PRKCZ: variants seen among roughly 807,000 people sequenced by gnomAD.
The protein encoded by PRKCZ is protein kinase C zeta, also known as protein kinase C zeta type.
PRKCZ carries 33 observed loss-of-function variants against 79.5 expected under a neutral mutation model. That is an observed-to-expected ratio of 0.41 (90% CI 0.31 to 0.55). The LOEUF is 0.55. PRKCZ is among the 20% of genes least tolerant of loss of function. PRKCZ has a pLI of 0.19. For synonymous variants in PRKCZ, 342 were observed against 320.9 expected (o/e 1.07, Z -0.70); for missense variants, 578 against 813.5 (o/e 0.71, Z 3.52).
intron 3 of PRKCZ, among the ~76,000 whole-genome samples, chr1:2,059,154 T>C (rs1316972488): frequency 6.6e-6 from 1 of 152,222 alleles, no homozygotes; most frequent in African/African-American, 2.4e-5. Flanking sequence ...CCAGGATATA[T>C]GTTAAAATAA....
intron 4 of PRKCZ, chr1:2,116,077 T>C (rs1256369168): frequency 2.0e-5 from 3 of 152,226 alleles, no homozygotes; most frequent in Non-Finnish European, 2.9e-5. Flanking sequence ...CTCCCCGTCA[T>C]CTCATTAGCA....
At position 2,177,431 on chromosome 1, in the gene PRKCZ, G is replaced by T. The variant is rs114807526; in HGVS notation, c.1575+2118G>T. Among the ~76,000 whole-genome samples the T allele has an allele frequency of 6.6e-6, 1 of 152,166 alleles. No homozygotes were observed. Among genetic ancestry groups the T allele is most frequent in the Middle Eastern group, 3.2e-3 (1 of 316 alleles). ...GCACCATGGGATCCAGGGAGAGCCC[G>T]ATCCTGGGTGCAGCCTTGGTGCCAG... On this transcript the variant is annotated intron_variant, in intron 16 of 17. Coordinates refer to ENST00000378567, the MANE Select transcript of PRKCZ (RefSeq NM_002744.6). This position sits in a 1 kb window ranked among gnomAD's most constrained non-coding sequence, Gnocchi z 6.4.
chr1:2,169,268 C>A (rs1485982912), intron 10 of PRKCZ: 1 of 537,864 alleles, frequency 1.9e-6, no homozygotes, highest in Non-Finnish European at 3.6e-6. Flanking sequence ...AGTCCACACA[C>A]AGTGGCCAAG....
intron 4 of PRKCZ, among the ~76,000 whole-genome samples, chr1:2,080,050 G>T (rs1048430574): frequency 3.3e-5 from 5 of 152,360 alleles, no homozygotes; most frequent in African/African-American, 9.6e-5. Context: ...TGGAGCCTCT[G>T]ACTTGGGGCC....
intron 4 of PRKCZ, among the ~76,000 whole-genome samples, chr1:2,089,436 G>T (rs1026513346): frequency 6.6e-6 from 1 of 152,182 alleles, no homozygotes; most frequent in African/African-American, 2.4e-5. Context: ...CACCACGAGG[G>T]GTGGCCTGTA....
At chr1:2,119,690 G>T (rs1432018473) in intron 4 of PRKCZ, among the ~76,000 whole-genome samples, 1 of 152,076 alleles carries the variant, frequency 6.6e-6, no homozygotes, top group Non-Finnish European at 1.5e-5. Context: ...CTGCAGGACG[G>T]CGCTTACATG....
At chr1:2,142,591 C>G in intron 5 of PRKCZ, 1 of 245,802 alleles carries the variant, frequency 4.1e-6, no homozygotes, top group Non-Finnish European at 8.2e-6. Context: ...ACCCATCCCT[C>G]CTTCGAATAG....
chr1:2,094,580 G>A lies in PRKCZ; in HGVS notation c.334+34989G>A, dbSNP rs1377957503. On this transcript the variant is annotated intron_variant, in intron 4 of 17. Coordinates refer to ENST00000378567, the MANE Select transcript of PRKCZ (RefSeq NM_002744.6). This position sits in a 1 kb window ranked among gnomAD's most constrained non-coding sequence, Gnocchi z 7.3. ...GCTCGATGAACCTTGGGCGCTGCCCGTTCTGAGGCGCCCGCTGTGCCCGGC... is the reference window on the plus strand; with the variant it reads ...GCTCGATGAACCTTGGGCGCTGCCCATTCTGAGGCGCCCGCTGTGCCCGGC... 3.9e-5 allele frequency among the ~76,000 whole-genome samples: 4 copies of A among 102,432 alleles called. No homozygotes were observed. Among genetic ancestry groups the A allele is most frequent in the Non-Finnish European group, 7.2e-5 (4 of 55,334 alleles). 67.2% of individuals were successfully genotyped at this position (102,432 alleles called of 152,430 possible). A position where few individuals can be genotyped will look rare whatever the true frequency, so the allele number is the denominator to read the frequency against.
At chr1:2,065,154 A>G (rs998217329) in intron 4 of PRKCZ, among the ~76,000 whole-genome samples, 9 of 152,102 alleles carry the variant, frequency 5.9e-5, no homozygotes, top group African/African-American at 1.9e-4. Flanking sequence ...TGTTTATTGT[A>G]AGTGTATAAA....
intron 7 of PRKCZ, among the ~76,000 whole-genome samples, chr1:2,147,301 G>A (rs571116268): frequency 4.1e-4 from 60 of 147,240 alleles, no homozygotes; most frequent in African/African-American, 1.4e-3. Context: ...TCTATCTGTT[G>A]TCCACTGACC....
At chr1:2,078,490 T>A (rs1662856324) in intron 4 of PRKCZ, among the ~76,000 whole-genome samples, 1 of 152,210 alleles carries the variant, frequency 6.6e-6, no homozygotes, top group African/African-American at 2.4e-5. Context: ...GAATCTTTTG[T>A]CTTCAGGGTT....
At chr1:2,115,426 G>A (rs1374551883) in intron 4 of PRKCZ, among the ~76,000 whole-genome samples, 2 of 152,234 alleles carry the variant, frequency 1.3e-5, no homozygotes, top group South Asian at 2.1e-4. Context: ...GCACCAGGTC[G>A]CACTCTGCAC....
chr1:2,125,265 G>C lies in PRKCZ; in HGVS notation c.335-9997G>C, dbSNP rs146353527. ...TGCAACTGACTGCTTGGAAGTTGGC[G>C]TACATCTTTCCACGGAAACTATGAA... is the stretch of plus-strand genomic sequence containing the variant. On this transcript the variant is annotated intron_variant, in intron 4 of 17. Coordinates refer to ENST00000378567, the MANE Select transcript of PRKCZ (RefSeq NM_002744.6). The surrounding 1 kb of genome is among the most constrained non-coding windows in gnomAD (Gnocchi z 4.2). Among the ~76,000 whole-genome samples, 3 of 152,188 alleles carry C rather than the reference G, an allele frequency of 2.0e-5. No homozygotes were observed. Among genetic ancestry groups the C allele is most frequent in the Non-Finnish European group, 4.4e-5 (3 of 68,028 alleles).
Position 2,150,796 on chromosome 1 carries a change from A to G in PRKCZ, c.694A>G (p.Lys232Glu). 6.2e-7 allele frequency: 1 copy of G among 1,613,736 alleles called. No homozygotes were observed. Among genetic ancestry groups the G allele is most frequent in the Middle Eastern group, 1.7e-4 (1 of 6,044 alleles). Residue 232 changes from lysine (K) to glutamate (E), a missense_variant, in exon 9 of 18, where the codon AAG becomes GAG. Coordinates refer to ENST00000378567, the MANE Select transcript of PRKCZ (RefSeq NM_002744.6). The stretch of plus-strand genomic sequence containing the variant: ...TCTTGTTCTCCCTCCCTAGGACCTT[A>G]AGCCAGTTATCGATGGGATGGATGG... ...DSIKDDSEDL[K>E]PVIDGMDGIK... is the part of the protein sequence containing the mutation.
intron 4 of PRKCZ, among the ~76,000 whole-genome samples, chr1:2,072,822 C>G (rs1661724930): frequency 1.3e-5 from 2 of 152,060 alleles, no homozygotes; most frequent in South Asian, 4.1e-4. Context: ...CTGGTCAGAG[C>G]CAGAGGTCTG....
intron 4 of PRKCZ, among the ~76,000 whole-genome samples, chr1:2,101,007 A>G (rs1406284385): frequency 7.7e-6 from 1 of 129,224 alleles, no homozygotes; most frequent in Admixed American, 7.9e-5. Context: ...TGACTAAGAC[A>G]ATTTATTTTG....
chr1:2,137,054 C>T (rs950979304), intron 5 of PRKCZ, among the ~76,000 whole-genome samples: 6 of 152,158 alleles, frequency 3.9e-5, no homozygotes, highest in East Asian at 1.9e-4. Context: ...TGGCTCACTC[C>T]GAGTCCAAAA....
chr1:2,144,462 C>CT, intron 6 of PRKCZ, 121 bp downstream of exon 6: 1 of 1,478,276 alleles, frequency 6.8e-7, no homozygotes, highest in Non-Finnish European at 9.0e-7. Context: ...TGGTGCCGTC[C>CT]TAGCTCTGGG....
At chr1:2,163,708 G>C (rs2103391293) in intron 10 of PRKCZ, among the ~76,000 whole-genome samples, 1 of 151,112 alleles carries the variant, frequency 6.6e-6, no homozygotes, top group Non-Finnish European at 1.5e-5. Context: ...CGCTAACACA[G>C]TGAAGCCCCG....
Sources: allele counts gnomAD v4.1 joint callset (sites outside exome capture counted in the v4.1 genomes callset), GRCh38; gene constraint gnomAD v4.1.1; non-coding constraint Gnocchi (gnomAD v3.1); transcripts MANE v1.5; gene names NCBI Gene and HGNC (gene_info 2026-07-23, HGNC 2026-07-21).